RARB: variants seen among roughly 807,000 people sequenced by gnomAD.
The protein encoded by RARB is HBV-activated protein.
In RARB, 17 loss-of-function variants were observed where a neutral mutation model predicts 51.9. That is an observed-to-expected ratio of 0.33 (90% CI 0.22 to 0.49). The LOEUF is 0.49. RARB is among the 20% of genes least tolerant of loss of function. The pLI, the probability that RARB is intolerant of heterozygous loss-of-function variation, is 0.99. For synonymous variants in RARB, 215 were observed against 195.4 expected (o/e 1.10, Z -0.84); for missense variants, 369 against 550.8 (o/e 0.67, Z 3.30).
chr3:25,159,791 T>G (rs1281106683), intron 4 of RARB, among the ~76,000 whole-genome samples: 1 of 152,178 alleles, frequency 6.6e-6, no homozygotes, highest in African/African-American at 2.4e-5. Flanking sequence ...ACTTAAAATG[T>G]CATTTCCTAA....
chr3:25,555,784 C>G (rs1700033402), intron 3 of RARB, among the ~76,000 whole-genome samples: 1 of 152,194 alleles, frequency 6.6e-6, no homozygotes, highest in African/African-American at 2.4e-5. Context: ...TTGGAGTTCT[C>G]TACTGCTTGC....
At chr3:25,467,573 G>C (rs1402571008) in intron 2 of RARB, among the ~76,000 whole-genome samples, 1 of 146,914 alleles carries the variant, frequency 6.8e-6, no homozygotes, top group Non-Finnish European at 1.5e-5. Flanking sequence ...CCCTCTGCTT[G>C]TATCACATTT....
chr3:24,949,738 C>T (rs1014237157), intron 2 of RARB, among the ~76,000 whole-genome samples: 9 of 152,168 alleles, frequency 5.9e-5, no homozygotes, highest in Non-Finnish European at 1.3e-4. Context: ...GGACATTACG[C>T]TACAGTCTCT....
intron 4 of RARB, among the ~76,000 whole-genome samples, chr3:25,150,889 A>G (rs140898074): frequency 1.3e-5 from 2 of 152,362 alleles, no homozygotes; most frequent in East Asian, 1.9e-4. Context: ...ATAGTAATGT[A>G]CAAACTGAAT....
chr3:25,428,428 C>G lies in RARB; in HGVS notation c.-304C>G, dbSNP rs1306735689. The G allele has an allele frequency of 7.8e-7, 1 of 1,274,286 alleles. No individual in the cohort carries two copies. Among genetic ancestry groups the G allele is most frequent in the Non-Finnish European group, 9.9e-7 (1 of 1,012,368 alleles). The allele number at this position is 1,274,286 out of a possible 1,614,324, so 78.9% of individuals were successfully genotyped here. On this transcript the variant is annotated 5_prime_UTR_variant, in exon 1 of 8. Coordinates refer to ENST00000330688, the MANE Select transcript of RARB (RefSeq NM_000965.5). ...GGCACCGTCGGGGTAGGATCCGGAACGCATTCGGAAGGCTTTTTGCAAGCA... is the reference window on the plus strand; with the variant it reads ...GGCACCGTCGGGGTAGGATCCGGAAGGCATTCGGAAGGCTTTTTGCAAGCA...
chr3:25,487,973 T>C (rs1696551846), intron 2 of RARB, among the ~76,000 whole-genome samples: 1 of 152,244 alleles, frequency 6.6e-6, no homozygotes, highest in African/African-American at 2.4e-5. Flanking sequence ...CAGGATAATG[T>C]GATTCATGGC....
intron 3 of RARB, among the ~76,000 whole-genome samples, chr3:25,094,237 T>G (rs946744626): frequency 6.6e-6 from 1 of 152,202 alleles, no homozygotes; most frequent in African/African-American, 2.4e-5. Flanking sequence ...TTAATAACAC[T>G]AAAGTCTGTC....
In RARB at chr3:25,596,915, A is replaced by G. The variant is rs1701859383; in HGVS notation, c.*299A>G. On this transcript the variant is annotated 3_prime_UTR_variant, in exon 8 of 8. Transcript: ENST00000330688. ...GCATGGCAAAGACCCAGTCAAAATG[A>G]TTTACCCCTGGTTAAGTTTCTGAAG... is the stretch of plus-strand genomic sequence containing the variant. The G allele has an allele frequency of 8.1e-6, 2 of 247,620 alleles. No homozygotes were observed. The highest frequency in any genetic ancestry group is 7.3e-5 in the East Asian group (1 of 13,684). The allele number at this position is 247,620 out of a possible 1,614,324, so 15.3% of individuals were successfully genotyped here.
At chr3:25,336,042 C>G (rs1277823811) in intron 5 of RARB, among the ~76,000 whole-genome samples, 1 of 148,594 alleles carries the variant, frequency 6.7e-6, no homozygotes, top group Non-Finnish European at 1.5e-5. Flanking sequence ...TTTCAGTTTT[C>G]ACCAGAAGAC....
Position 25,596,513 on chromosome 3 carries a change from C to G in RARB, c.1244C>G (p.Pro415Arg). The change falls in exon 8 of 8, where the codon CCC becomes CGC. Residue 415 changes from proline (P) to arginine (R), a missense_variant. Coordinates refer to ENST00000330688, the MANE Select transcript of RARB (RefSeq NM_000965.5). ...EMLENSEGHE[P>R]LTPSSSGNTA... The stretch of plus-strand genomic sequence containing the variant: ...CTGGAGAATTCTGAAGGACATGAAC[C>G]CTTGACCCCAAGTTCAAGTGGGAAC... The G allele has an allele frequency of 6.2e-7, 1 of 1,613,282 alleles. No homozygotes were observed. Among genetic ancestry groups the G allele is most frequent in the Non-Finnish European group, 8.5e-7 (1 of 1,179,308 alleles).
intron 5 of RARB, among the ~76,000 whole-genome samples, chr3:25,185,053 C>G (rs894269387): frequency 6.6e-6 from 1 of 152,162 alleles, no homozygotes; most frequent in Non-Finnish European, 1.5e-5. Context: ...ATGCAAAGGT[C>G]TTTCTACATG....
chr3:25,234,612 G>C (rs778400034), intron 5 of RARB, among the ~76,000 whole-genome samples: 4 of 151,776 alleles, frequency 2.6e-5, no homozygotes, highest in Non-Finnish European at 5.9e-5. Context: ...ACAGAGCTAG[G>C]GGATCTTCTG....
Position 25,194,607 on chromosome 3 carries a change from T to TC in RARB, c.178+20033dup, listed in dbSNP as rs557811925. Among the ~76,000 whole-genome samples the TC allele has an allele frequency of 1.5e-3, 220 of 151,222 alleles. 1 individual carries two copies. Among genetic ancestry groups the TC allele is most frequent in the African/African-American group, 5.2e-3 (215 of 41,380 alleles). On this transcript the variant is annotated intron_variant, in intron 5 of 11. Transcript: ENST00000383772. Reference sequence around the variant, plus strand: ...AAGATTACCCGGAAGTAAAAGGCTGTCATAGGAGCTTAATTAGAGTCCCTT... The same window carrying TC: ...AAGATTACCCGGAAGTAAAAGGCTGTCCATAGGAGCTTAATTAGAGTCCCTT...
intron 5 of RARB, among the ~76,000 whole-genome samples, chr3:25,247,843 T>C (rs1559330565): frequency 6.6e-6 from 1 of 152,246 alleles, no homozygotes; most frequent in Non-Finnish European, 1.5e-5. Flanking sequence ...TTAGAGGGAA[T>C]GTGTATACTG....
rs543163911 is a variant in RARB, at chr3:25,323,295, T to A, written c.179-137898T>A. ...GGAAATAGACCCAAGGTGGGAGGAA[T>A]GGCACAGCCACATTACAAAAGGACA... On this transcript the variant is annotated intron_variant, in intron 5 of 11. Coordinates refer to the RARB transcript ENST00000383772. 8.1e-4 allele frequency among the ~76,000 whole-genome samples: 124 copies of A among 152,300 alleles called. 1 individual carries two copies. Among genetic ancestry groups the A allele is most frequent in the African/African-American group, 2.9e-3 (120 of 41,578 alleles).
rs868367 is a variant in RARB at position 25,582,160 on chromosome 3, T to A, written c.786+1438T>A. 2.4e-3 allele frequency among the ~76,000 whole-genome samples: 372 copies of A among 152,140 alleles called. 6 individuals carry two copies. Among genetic ancestry groups the A allele is most frequent in the Admixed American group, 0.022 (335 of 15,296 alleles). On this transcript the variant is annotated intron_variant, in intron 5 of 7. Coordinates refer to ENST00000330688, the MANE Select transcript of RARB (RefSeq NM_000965.5). ...GACCACCAGAGAGTAACAGAGACAA[T>A]GTGGGCGAATCAATAATGATGTTAA...
intron 5 of RARB, among the ~76,000 whole-genome samples, chr3:25,247,741 C>T (rs1049892053): frequency 2.6e-5 from 4 of 152,218 alleles, no homozygotes; most frequent in African/African-American, 9.6e-5. Flanking sequence ...TGGCTGGGAG[C>T]TGCAGATGGG....
chr3:24,955,036 T>A (rs955839694), intron 2 of RARB, among the ~76,000 whole-genome samples: 1 of 152,186 alleles, frequency 6.6e-6, no homozygotes, highest in African/African-American at 2.4e-5. Context: ...GCCTTTTACA[T>A]CCTGCCCTCT....
At chr3:25,286,119 G>T (rs1266795229) in intron 5 of RARB, among the ~76,000 whole-genome samples, 5 of 111,224 alleles carry the variant, frequency 4.5e-5, no homozygotes, top group East Asian at 2.9e-4. Flanking sequence ...TTGAGACGGA[G>T]TCTCTGTCAC....
Sources: allele counts gnomAD v4.1 joint callset (sites outside exome capture counted in the v4.1 genomes callset), GRCh38; gene constraint gnomAD v4.1.1; transcripts MANE v1.5; gene names NCBI Gene and HGNC (gene_info 2026-07-23, HGNC 2026-07-21).